Variants in NOL11 observed in about 807,000 individuals in gnomAD.
NOL11 encodes the protein nucleolar protein 11.
NOL11 carries 42 observed loss-of-function variants against 93.0 expected under a neutral mutation model. The ratio of observed to expected loss-of-function variants is 0.45; its 90% CI spans 0.35 to 0.58. NOL11 has a LOEUF of 0.58. Ranked by LOEUF, NOL11 falls within the 20% of genes least tolerant of loss-of-function variation. The pLI, the probability that NOL11 is intolerant of heterozygous loss-of-function variation, is 0.00. For missense variants in NOL11, 775 were observed against 841.8 expected, an observed-to-expected ratio of 0.92 and a Z score of 0.98; for synonymous variants, 296 against 293.7, an observed-to-expected ratio of 1.01 and a Z score of -0.08.
At chr17:67,731,566 G>A (rs552167032) in intron 7 of NOL11, among the ~76,000 whole-genome samples, 7 of 152,156 alleles carry the variant, frequency 4.6e-5, no homozygotes, top group East Asian at 3.9e-4. Flanking sequence ...TTTTTCTTTC[G>A]TTGCTTGTGC....
chr17:67,738,166 C>A lies in NOL11; in HGVS notation c.1574C>A (p.Ser525Ter). The change falls in exon 14 of 18, where the codon TCA becomes TAA. Residue 525 changes from serine to a stop codon, truncating the protein, a stop_gained. Coordinates refer to ENST00000253247, the MANE Select transcript of NOL11 (RefSeq NM_015462.5). LOFTEE classifies it high-confidence loss of function. ...CAAGAAACAGATGTTAATATGGAGT[C>A]AGTTTTTGACTATAGTATAAATTCT... is the stretch of plus-strand genomic sequence containing the variant. ...SLQETDVNME[S>*]VFDYSINSVH... 3 of 1,612,626 alleles carry A rather than the reference C, an allele frequency of 1.9e-6. No individual in the cohort carries two copies. In the South Asian group the frequency reaches 3.3e-5, roughly 18 times the overall value.
intron 6 of NOL11, 137 bp downstream of exon 6, chr17:67,724,330 C>G (rs553823392): frequency 2.5e-6 from 1 of 394,210 alleles, no homozygotes; most frequent in Non-Finnish European, 4.2e-6. Context: ...TTCATGCCTT[C>G]ACTTTTTTTT....
At chr17:67,738,622 A>G in intron 14 of NOL11, 1 of 474,860 alleles carries the variant, frequency 2.1e-6, no homozygotes. Flanking sequence ...GTCTGAGCCC[A>G]GGAGTCTGAG....
intron 7 of NOL11, among the ~76,000 whole-genome samples, chr17:67,732,537 A>G (rs2055163549): frequency 6.6e-6 from 1 of 150,968 alleles, no homozygotes; most frequent in Admixed American, 6.6e-5. Context: ...ATTCTGTTGG[A>G]TGCTAATATA....
intron 5 of NOL11, 132 bp downstream of exon 5, chr17:67,722,769 C>T: frequency 2.4e-6 from 3 of 1,248,356 alleles, no homozygotes; most frequent in Non-Finnish European, 3.2e-6. Context: ...ACTGCAGCCT[C>T]AACCTCCTGG....
At chr17:67,718,209 C>A in intron 1 of NOL11, 121 bp downstream of exon 1, 1 of 1,363,938 alleles carries the variant, frequency 7.3e-7, no homozygotes, top group Non-Finnish European at 1.0e-6. Context: ...AGCAGAGAGC[C>A]GGCTGGGCCT....
chr17:67,743,765 A>G lies in NOL11; in HGVS notation c.2066A>G (p.Asn689Ser). ...TAGATATCTGTTTATTCTGAGCTCAACAAGATTGAAGTAAGTTTTCGGGAG... is the reference window on the plus strand; with the variant it reads ...TAGATATCTGTTTATTCTGAGCTCAGCAAGATTGAAGTAAGTTTTCGGGAG... The part of the protein sequence containing the change: ...KSQISVYSEL[N>S]KIEVSFRELQ... Residue 689 changes from asparagine to serine, a missense_variant, in exon 18 of 18, where the codon AAC (asparagine) becomes AGC (serine). Asn to Ser is a conservative substitution (Grantham distance 46). Coordinates refer to ENST00000253247, the MANE Select transcript of NOL11 (RefSeq NM_015462.5). The G allele has an allele frequency of 6.5e-7, 1 of 1,536,770 alleles. No individual in the cohort carries two copies.
chr17:67,720,299 A>AT, intron 3 of NOL11: 1 of 153,624 alleles, frequency 6.5e-6, no homozygotes, highest in Non-Finnish European at 1.4e-5. Context: ...GGTGTATTGT[A>AT]CTTTTTTTTT....
In NOL11 at chr17:67,722,631, T is replaced by C; in HGVS notation, c.513T>C (p.Thr171=). The C allele has an allele frequency of 6.4e-7, 1 of 1,569,296 alleles. No homozygotes were observed. The highest frequency in any genetic ancestry group is 2.3e-5 in the East Asian group (1 of 42,986). The change falls in exon 5 of 18, where the codon ACT becomes ACC. Residue 171 remains threonine (T), a synonymous_variant. Transcript: ENST00000253247. ...VFRHPVLIFI[T]EKHGNYFAYV... is the part of the protein sequence containing the mutation. ...GACATCCTGTTTTAATTTTTATTACTGAAAAAGTAAGTGATATCTTCAATT... is the reference window on the plus strand; with the variant it reads ...GACATCCTGTTTTAATTTTTATTACCGAAAAAGTAAGTGATATCTTCAATT...
At chr17:67,718,406 A>G (rs955925293) in intron 1 of NOL11, among the ~76,000 whole-genome samples, 1 of 152,120 alleles carries the variant, frequency 6.6e-6, no homozygotes. Context: ...GGTCTTTATT[A>G]TCTTAGCCGC....
intron 15 of NOL11, 141 bp downstream of exon 15, chr17:67,739,151 A>T (rs1447098744): frequency 9.2e-6 from 6 of 652,206 alleles, no homozygotes; most frequent in Admixed American, 8.9e-5. Flanking sequence ...ATGGCAAAAA[A>T]TTGTGCTGAG....
intron 7 of NOL11, among the ~76,000 whole-genome samples, chr17:67,728,469 G>A (rs12601677): frequency 0.073 from 11,133 of 152,118 alleles, 1,015 homozygotes; most frequent in East Asian, 0.28. Context: ...GTTAAGCCAT[G>A]TACCCTGCCG....
At chr17:67,730,485 C>T (rs952682625) in intron 7 of NOL11, among the ~76,000 whole-genome samples, 1 of 151,906 alleles carries the variant, frequency 6.6e-6, no homozygotes, top group Non-Finnish European at 1.5e-5. Flanking sequence ...TGGTCTCAAT[C>T]TCCTGACCTC....
At chr17:67,737,416 G>C in intron 11 of NOL11, 92 bp from the exon 12 acceptor site, 1 of 1,068,360 alleles carries the variant, frequency 9.4e-7, no homozygotes, top group Non-Finnish European at 1.4e-6. Context: ...ATAACTGTTA[G>C]TCATTTGAGA....
intron 6 of NOL11, among the ~76,000 whole-genome samples, chr17:67,725,855 G>C (rs2055086501): frequency 6.6e-6 from 1 of 152,198 alleles, no homozygotes; most frequent in Admixed American, 6.5e-5. Flanking sequence ...CAAGGCAGGA[G>C]GATCATTTGA....
intron 6 of NOL11, 149 bp downstream of exon 6, chr17:67,724,342 T>A: frequency 4.2e-6 from 2 of 471,088 alleles, no homozygotes; most frequent in African/African-American, 4.1e-5. Flanking sequence ...CTTTTTTTTT[T>A]TTTTTTTTTG....
chr17:67,735,915 G>T lies in NOL11; in HGVS notation c.946G>T (p.Glu316Ter). 6.2e-7 allele frequency: 1 copy of T among 1,609,568 alleles called. No homozygotes were observed. Among genetic ancestry groups the T allele is most frequent in the South Asian group, 1.1e-5 (1 of 89,962 alleles). Residue 316 changes from glutamate to a stop codon, truncating the protein, a stop_gained, in exon 9 of 18, where the codon GAA (glutamate) becomes TAA (stop). Transcript: ENST00000253247. LOFTEE classifies it high-confidence loss of function. Reference protein sequence around the residue: ...GTSGQLWYYGEHLFMLHGKSL... With the variant: ...GTSGQLWYYG ...TTTTTTGTAGCTCTGGTATTATGGA[G>T]AACATTTGTTTATGCTACATGGAAA...
At chr17:67,740,244 A>G (rs1208563192) in intron 16 of NOL11, among the ~76,000 whole-genome samples, 1 of 151,104 alleles carries the variant, frequency 6.6e-6, no homozygotes, top group Non-Finnish European at 1.5e-5. Context: ...AAAAAAAAAA[A>G]GCGGGGGGAA....
intron 1 of NOL11, among the ~76,000 whole-genome samples, chr17:67,718,543 G>C (rs1325205171): frequency 1.3e-5 from 2 of 152,106 alleles, no homozygotes; most frequent in Non-Finnish European, 1.5e-5. Context: ...ATTTTAGAGA[G>C]TGAGGGACTT....
Sources: allele counts gnomAD v4.1 joint callset (sites outside exome capture counted in the v4.1 genomes callset), GRCh38; gene constraint gnomAD v4.1.1; transcripts MANE v1.5; gene names NCBI Gene and HGNC (gene_info 2026-07-23, HGNC 2026-07-21).